ZBTB8OS: variants seen among roughly 807,000 people sequenced by gnomAD.
ZBTB8OS encodes the protein tRNA splicing ligase complex subunit 1.
ZBTB8OS carries 16 observed loss-of-function variants against 29.3 expected under a neutral mutation model. That is an observed-to-expected ratio of 0.55 (90% CI 0.37 to 0.83). The LOEUF (loss-of-function observed/expected upper bound fraction) is 0.83, where lower values mean the gene tolerates loss of function less well. ZBTB8OS is among the 40% of genes least tolerant of loss of function. The pLI is 0.00. For missense variants in ZBTB8OS, 160 were observed against 196.9 expected (o/e 0.81, Z 1.12); for synonymous variants, 70 against 64.6 (o/e 1.08, Z -0.40).
chr1:32,650,873 G>A, upstream of ZBTB8OS: 1 of 478,666 alleles, frequency 2.1e-6, no homozygotes, highest in Admixed American at 3.8e-5. Flanking sequence ...AGGCATTCTA[G>A]ATTTTTCATC....
intron 4 of ZBTB8OS, among the ~76,000 whole-genome samples, chr1:32,632,553 C>A (rs1260402924): frequency 6.6e-6 from 1 of 152,028 alleles, no homozygotes; most frequent in African/African-American, 2.4e-5. Flanking sequence ...TAGCTGGGAC[C>A]ACAGGCATGT....
intron 4 of ZBTB8OS, 182 bp downstream of exon 4, chr1:32,633,463 C>G: frequency 1.9e-6 from 1 of 537,850 alleles, no homozygotes; most frequent in Non-Finnish European, 3.3e-6. Context: ...GAAATGTTCC[C>G]ACATAGGCAA....
In ZBTB8OS at chr1:32,632,623, T is replaced by C. The variant is rs143453994; in HGVS notation, c.328-744A>G. 2.3e-3 allele frequency among the ~76,000 whole-genome samples: 344 copies of C among 152,320 alleles called. 2 individuals are homozygous for C. The highest frequency in any genetic ancestry group is 7.9e-3 in the African/African-American group (328 of 41,576). On this transcript the variant is annotated intron_variant, in intron 4 of 6. Transcript: ENST00000468695. ...TTTTTTGAGACAGGGAGTTTCGCCA[T>C]GTTGCCCAAGCTGAGTATTAAATAT...
At chr1:32,640,486 C>A (rs1330762661) in intron 1 of ZBTB8OS, among the ~76,000 whole-genome samples, 1 of 152,104 alleles carries the variant, frequency 6.6e-6, no homozygotes, top group African/African-American at 2.4e-5. Context: ...AATTAAAATC[C>A]ATTGATCTAT....
intron 1 of ZBTB8OS, among the ~76,000 whole-genome samples, chr1:32,640,246 G>A (rs1418961851): frequency 1.3e-5 from 2 of 151,996 alleles, no homozygotes; most frequent in Admixed American, 6.6e-5. Context: ...ACAGGCGCAC[G>A]CCACCACGCC....
chr1:32,632,039 T>A (rs1305853338), intron 4 of ZBTB8OS, 160 bp from the exon 5 acceptor site: 1 of 349,702 alleles, frequency 2.9e-6, no homozygotes, highest in Non-Finnish European at 5.0e-6. Context: ...CCTTACTCCA[T>A]CGCCCAGGCT....
intron 1 of ZBTB8OS, among the ~76,000 whole-genome samples, chr1:32,641,069 G>A (rs1258455794): frequency 6.6e-6 from 1 of 150,612 alleles, no homozygotes; most frequent in Non-Finnish European, 1.5e-5. Context: ...CTAATCGGGA[G>A]GCCGAGGCAG....
In ZBTB8OS at chr1:32,646,267, CAA is replaced by C. The variant is rs149080086; in HGVS notation, c.97+4164_97+4165del. ...CCAGGAGGCAGAGGTTGTAGTGAGT[CAA>C]AGTCGCACCACTGCACTACTCCAGC... On this transcript the variant is annotated intron_variant, in intron 1 of 6. Transcript: ENST00000468695. Among the ~76,000 whole-genome samples the C allele has an allele frequency of 9.0e-3, 1,357 of 151,482 alleles. 21 individuals carry two copies. Among genetic ancestry groups the C allele is most frequent in the African/African-American group, 0.031 (1,281 of 41,254 alleles).
intron 2 of ZBTB8OS, chr1:32,634,277 A>C (rs1645791079): frequency 2.7e-6 from 1 of 369,866 alleles, no homozygotes; most frequent in Non-Finnish European, 4.7e-6. Context: ...CCCAAGCTGG[A>C]GTGCAGTAGT....
intron 6 of ZBTB8OS, among the ~76,000 whole-genome samples, chr1:32,627,076 TATC>T (rs1645179739): frequency 6.6e-6 from 1 of 152,180 alleles, no homozygotes; most frequent in South Asian, 2.1e-4. Flanking sequence ...AAACATTTAT[TATC>T]TGTCCATTTT....
At chr1:32,622,842 A>G (rs113091127) in intron 6 of ZBTB8OS, among the ~76,000 whole-genome samples, 7 of 152,184 alleles carry the variant, frequency 4.6e-5, no homozygotes, top group African/African-American at 1.7e-4. Context: ...CTGAAATCAA[A>G]ACCACCTCCT....
intron 1 of ZBTB8OS, among the ~76,000 whole-genome samples, chr1:32,641,105 G>A (rs1388638225): frequency 6.6e-6 from 1 of 151,918 alleles, no homozygotes; most frequent in East Asian, 1.9e-4. Flanking sequence ...CTAGAAGGTG[G>A]AGGTTGCAGT....
chr1:32,624,039 C>G (rs1318087387), intron 6 of ZBTB8OS, among the ~76,000 whole-genome samples: 1 of 152,122 alleles, frequency 6.6e-6, no homozygotes, highest in Non-Finnish European at 1.5e-5. Context: ...GCTCAGCACT[C>G]ACTTCTCTTC....
intron 1 of ZBTB8OS, among the ~76,000 whole-genome samples, chr1:32,649,386 A>G (rs1420587512): frequency 6.6e-6 from 1 of 152,142 alleles, no homozygotes; most frequent in African/African-American, 2.4e-5. Context: ...CAGAGAGGAC[A>G]ATGAGAAATT....
At chr1:32,649,040 C>T (rs185350757) in intron 1 of ZBTB8OS, among the ~76,000 whole-genome samples, 20 of 138,422 alleles carry the variant, frequency 1.4e-4, no homozygotes, top group Admixed American at 3.8e-4. Flanking sequence ...GATCTCGGCT[C>T]ACTGCAGCCT....
intron 1 of ZBTB8OS, among the ~76,000 whole-genome samples, chr1:32,638,596 T>A (rs1451847504): frequency 6.6e-6 from 1 of 152,238 alleles, no homozygotes; most frequent in East Asian, 1.9e-4. Flanking sequence ...GAAAAGATTT[T>A]TAAATACGTA....
At chr1:32,627,090 ACAG>A (rs1645181752) in intron 6 of ZBTB8OS, among the ~76,000 whole-genome samples, 1 of 152,162 alleles carries the variant, frequency 6.6e-6, no homozygotes, top group South Asian at 2.1e-4. Flanking sequence ...TGTCCATTTT[ACAG>A]AAAAAAACTG....
Position 32,634,775 on chromosome 1 carries a change from C to G in ZBTB8OS, c.115G>C (p.Asp39His), listed in dbSNP as rs920743764. ...RKYEYLDHTA[D>H]VQLHAWGDTL... ...AACTCCCGCTATACTCACTGGACAT[C>G]TGCTGTATGATCCAAATCTGAGGGA... Residue 39 changes from aspartate to histidine, a missense_variant, in exon 2 of 7, where the codon GAT becomes CAT. Coordinates refer to ENST00000468695, the MANE Select transcript of ZBTB8OS (RefSeq NM_178547.5). The G allele has an allele frequency of 1.2e-6, 2 of 1,613,582 alleles. No homozygotes were observed. The highest frequency in any genetic ancestry group is 2.7e-5 in the African/African-American group (2 of 74,912).
intron 1 of ZBTB8OS, among the ~76,000 whole-genome samples, chr1:32,643,070 C>CCT (rs1646548275): frequency 9.3e-6 from 1 of 107,510 alleles, no homozygotes; most frequent in Non-Finnish European, 1.8e-5. Context: ...CGTGCCTGGC[C>CCT]TTTTTTTTTT....
Sources: gnomAD v4.1 joint callset for allele counts (sites outside exome capture counted in the v4.1 genomes callset) on GRCh38, gnomAD v4.1.1 for gene constraint, MANE v1.5 for transcripts, NCBI Gene and HGNC (gene_info 2026-07-23, HGNC 2026-07-21) for gene names.